ABCB5: variants seen among roughly 807,000 people sequenced by gnomAD.
ABCB5 encodes the protein ATP-binding cassette sub-family B member 5.
ABCB5 carries 155 observed loss-of-function variants against 144.2 expected under a neutral mutation model. The ratio of observed to expected loss-of-function variants is 1.08; its 90% CI spans 0.94 to 1.23. ABCB5 has a LOEUF of 1.23. ABCB5 is among the 50% of genes most tolerant of loss of function. The pLI is 0.00. For missense variants in ABCB5, 1,830 were observed against 1,520.8 expected (o/e 1.20, Z -3.38); for synonymous variants, 610 against 528.6 (o/e 1.15, Z -2.11).
chr7:20,629,484 C>G (rs1163696993), intron 4 of ABCB5, among the ~76,000 whole-genome samples: 2 of 152,042 alleles, frequency 1.3e-5, no homozygotes, highest in Non-Finnish European at 2.9e-5. Flanking sequence ...AAATCAAGGC[C>G]GGGTGCAGTG....
At chr7:20,622,483 G>A (rs1167121650) in intron 1 of ABCB5, among the ~76,000 whole-genome samples, 2 of 152,012 alleles carry the variant, frequency 1.3e-5, no homozygotes, top group Non-Finnish European at 2.9e-5. Flanking sequence ...AAGCTTATTA[G>A]CTTTTTCAGA....
intron 16 of ABCB5, among the ~76,000 whole-genome samples, chr7:20,691,831 C>T (rs1003438544): frequency 2.0e-5 from 3 of 151,756 alleles, no homozygotes; most frequent in Non-Finnish European, 2.9e-5. Context: ...GTAACATTTA[C>T]GAGAATTCAG....
intron 25 of ABCB5, among the ~76,000 whole-genome samples, chr7:20,743,975 G>A (rs1319981514): frequency 1.3e-5 from 2 of 152,072 alleles, no homozygotes; most frequent in Non-Finnish European, 2.9e-5. Context: ...CCTGGCCCCT[G>A]CCTCCCACTC....
intron 16 of ABCB5, among the ~76,000 whole-genome samples, chr7:20,690,018 GA>G (rs1786162018): frequency 2.0e-5 from 3 of 152,230 alleles, no homozygotes; most frequent in Non-Finnish European, 4.4e-5. Flanking sequence ...GACAAGTTTG[GA>G]TTCTATTCTT....
chr7:20,695,196 A>C (rs190139223), intron 16 of ABCB5, among the ~76,000 whole-genome samples: 2 of 152,016 alleles, frequency 1.3e-5, no homozygotes, highest in Non-Finnish European at 2.9e-5. Flanking sequence ...TAGTAATCAA[A>C]ACATTTCAAT....
chr7:20,645,758 G>T lies in ABCB5; in HGVS notation c.681G>T (p.Met227Ile). ...ACTGTGGTTGTGGTTTATTACAGAT[G>T]GTCATCTCATTGACCAGTAAGGAAT... Reference protein sequence around the residue: ...IMASAAACSRMVISLTSKELS... With the variant: ...IMASAAACSRIVISLTSKELS... Residue 227 changes from methionine to isoleucine, a missense_variant and splice_region_variant, in exon 8 of 28, where the codon ATG (methionine) becomes ATT (isoleucine). Coordinates refer to ENST00000404938, the MANE Select transcript of ABCB5 (RefSeq NM_001163941.2). 6.2e-7 allele frequency: 1 copy of T among 1,613,610 alleles called. No homozygotes were observed. The highest frequency in any genetic ancestry group is 1.3e-5 in the African/African-American group (1 of 75,038).
chr7:20,687,300 G>A (rs1015353082), intron 16 of ABCB5, among the ~76,000 whole-genome samples: 6 of 152,088 alleles, frequency 3.9e-5, no homozygotes, highest in African/African-American at 9.7e-5. Flanking sequence ...GATAAAAAAC[G>A]AAAATTAAAA....
intron 4 of ABCB5, among the ~76,000 whole-genome samples, chr7:20,630,413 CA>C (rs932089035): frequency 5.3e-5 from 8 of 150,372 alleles, no homozygotes; most frequent in Non-Finnish European, 7.4e-5. Context: ...ATCTTTAAAG[CA>C]AAAAAAAATC....
chr7:20,656,371 GA>G (rs1212011207), intron 13 of ABCB5, among the ~76,000 whole-genome samples: 6 of 152,060 alleles, frequency 3.9e-5, no homozygotes, highest in African/African-American at 1.2e-4. Flanking sequence ...ATACATGTCC[GA>G]CAAGGACATG....
At chr7:20,655,150 C>A (rs908592879) in intron 13 of ABCB5, among the ~76,000 whole-genome samples, 3 of 151,678 alleles carry the variant, frequency 2.0e-5, no homozygotes, top group Admixed American at 6.6e-5. Flanking sequence ...ACTATTGATT[C>A]TAAGGACATT....
At chr7:20,655,812 C>T (rs934627609) in intron 13 of ABCB5, among the ~76,000 whole-genome samples, 1 of 151,494 alleles carries the variant, frequency 6.6e-6, no homozygotes, top group East Asian at 1.9e-4. Flanking sequence ...CATGTTGATT[C>T]CAAAATTTAT....
At position 20,699,888 on chromosome 7, in the gene ABCB5, G is replaced by C; in HGVS notation, c.2218G>C (p.Val740Leu). 1 of 1,612,510 alleles carries C rather than the reference G, an allele frequency of 6.2e-7. No homozygotes were observed. Among genetic ancestry groups the C allele is most frequent in the Non-Finnish European group, 8.5e-7 (1 of 1,179,284 alleles). Residue 740 changes from valine (V) to leucine (L), a missense_variant, in exon 18 of 28, where the codon GTC (valine) becomes CTC (leucine). Coordinates refer to ENST00000404938, the MANE Select transcript of ABCB5 (RefSeq NM_001163941.2). ...TGCAGAAATTTATTCCATGATATTC[G>C]TCATTTTGGGTGTTATTTGCTTTGT... ...HDAEIYSMIF[V>L]ILGVICFVSY...
chr7:20,647,517 C>G lies in ABCB5; in HGVS notation c.982-18C>G. 2.6e-6 allele frequency: 4 copies of G among 1,532,522 alleles called. No individual in the cohort carries two copies. The highest frequency in any genetic ancestry group is 3.5e-6 in the Non-Finnish European group (4 of 1,143,024). The allele number at this position is 1,532,522 out of a possible 1,614,324, so 94.9% of individuals were successfully genotyped here. A position where few individuals can be genotyped will look rare whatever the true frequency, so the allele number is the denominator to read the frequency against. Reference sequence around the variant, plus strand: ...TATAACTGCAGAAAGATAAATATCACTTTGTTTGTTCCTGTAGGTTTTCTT... The same window carrying G: ...TATAACTGCAGAAAGATAAATATCAGTTTGTTTGTTCCTGTAGGTTTTCTT... On this transcript the variant is annotated intron_variant, in intron 9 of 27. Coordinates refer to ENST00000404938, the MANE Select transcript of ABCB5 (RefSeq NM_001163941.2).
intron 12 of ABCB5, among the ~76,000 whole-genome samples, chr7:20,650,570 T>A (rs1054218619): frequency 9.6e-6 from 1 of 104,018 alleles, no homozygotes; most frequent in East Asian, 2.1e-4. Flanking sequence ...TTTCTTTTCC[T>A]TTTTTTTTTT....
chr7:20,637,960 A>G (rs1384076652), intron 5 of ABCB5, among the ~76,000 whole-genome samples: 1 of 152,094 alleles, frequency 6.6e-6, no homozygotes, highest in Non-Finnish European at 1.5e-5. Flanking sequence ...TGCAAAATTA[A>G]TTGCCTGGGC....
At chr7:20,692,200 G>A (rs1380408450) in intron 16 of ABCB5, among the ~76,000 whole-genome samples, 1 of 151,964 alleles carries the variant, frequency 6.6e-6, no homozygotes, top group Non-Finnish European at 1.5e-5. Flanking sequence ...TAATCAAACT[G>A]CTTAAAACCA....
At chr7:20,711,778 C>CCCTTTCTTTCTTTCTT (rs1787047186) in intron 20 of ABCB5, among the ~76,000 whole-genome samples, 1 of 47,110 alleles carries the variant, frequency 2.1e-5, no homozygotes, top group Non-Finnish European at 3.6e-5. Flanking sequence ...TTCCTTCTTT[C>CCCTTTCTTTCTTTCTT]TCTTTCTTTC....
intron 14 of ABCB5, chr7:20,659,499 A>G: frequency 9.7e-7 from 1 of 1,035,154 alleles, no homozygotes; most frequent in Non-Finnish European, 1.2e-6. Flanking sequence ...TTCTTGAAAA[A>G]TCTCTTAGTT....
intron 13 of ABCB5, among the ~76,000 whole-genome samples, chr7:20,658,119 T>C (rs1044996118): frequency 2.0e-5 from 3 of 152,198 alleles, no homozygotes; most frequent in African/African-American, 7.2e-5. Flanking sequence ...GTGGGTAACA[T>C]ACCAAATTGC....
Sources: gnomAD v4.1 joint callset for allele counts (sites outside exome capture counted in the v4.1 genomes callset) on GRCh38, gnomAD v4.1.1 for gene constraint, MANE v1.5 for transcripts, NCBI Gene and HGNC (gene_info 2026-07-23, HGNC 2026-07-21) for gene names.